Variants in PRKCI observed in about 807,000 individuals in gnomAD.
PRKCI encodes the protein protein kinase C iota type.
Under a neutral mutation model 84.0 loss-of-function variants are expected in PRKCI, and 43 were observed. The observed-to-expected ratio is 0.51, with a 90% CI of 0.40 to 0.66. The LOEUF is 0.66. Among genes scored for constraint, PRKCI ranks in the 30% least tolerant of loss-of-function variants. PRKCI has a pLI of 0.00. For missense variants in PRKCI, 459 were observed against 745.6 expected, an observed-to-expected ratio of 0.62 and a Z score of 4.48; for synonymous variants, 216 against 234.4, an observed-to-expected ratio of 0.92 and a Z score of 0.72.
intron 1 of PRKCI, among the ~76,000 whole-genome samples, chr3:170,225,497 GTTTTC>G (rs1456508050): frequency 1.3e-5 from 2 of 151,568 alleles, no homozygotes; most frequent in Admixed American, 1.3e-4. Flanking sequence ...ATTTGAAAAA[GTTTTC>G]TTTTCTCTCC....
intron 4 of PRKCI, among the ~76,000 whole-genome samples, chr3:170,263,708 G>A (rs1733789514): frequency 6.6e-6 from 1 of 151,952 alleles, no homozygotes; most frequent in Admixed American, 6.6e-5. Context: ...GAGGTGGGAG[G>A]ATCCCTTGAG....
intron 16 of PRKCI, 75 bp from the exon 17 acceptor site, chr3:170,298,920 G>A (rs1560187780): frequency 8.8e-6 from 8 of 905,986 alleles, no homozygotes; most frequent in South Asian, 1.3e-5. Context: ...TAAACAATGA[G>A]TGCAGAGGAG....
chr3:170,268,019 A>C lies in PRKCI; in HGVS notation c.450+19A>C, dbSNP rs755975343. On this transcript the variant is annotated intron_variant, in intron 5 of 17. Transcript: ENST00000295797. ...CAACAGGGTAAACATAGTTTGTTGAATGTCGATAATGTGAAACAGCTATTT... is the reference window on the plus strand; with the variant it reads ...CAACAGGGTAAACATAGTTTGTTGACTGTCGATAATGTGAAACAGCTATTT... The C allele has an allele frequency of 2.7e-5, 43 of 1,573,154 alleles. No homozygotes were observed. The highest frequency in any genetic ancestry group is 3.7e-5 in the Non-Finnish European group (42 of 1,149,828).
rs927497688 is a variant in PRKCI at position 170,251,974 on chromosome 3, G to C, written c.224-7995G>C. ...CTCACGCCTGTAATCCCAGCACTTT[G>C]GGAGGCCGAGGTGGGTGGATCCTGA... On this transcript the variant is annotated intron_variant, in intron 2 of 17. Transcript: ENST00000295797. 2.0e-5 allele frequency among the ~76,000 whole-genome samples: 3 copies of C among 152,002 alleles called. No homozygotes were observed. The East Asian group carries it at 5.8e-4, about 29-fold the overall frequency.
chr3:170,231,685 G>A (rs929826272), intron 1 of PRKCI, among the ~76,000 whole-genome samples: 7 of 151,944 alleles, frequency 4.6e-5, no homozygotes, highest in African/African-American at 1.7e-4. Context: ...GACTGGTCTC[G>A]AACGCCTGAC....
At chr3:170,272,427 G>C (rs1292309890) in intron 6 of PRKCI, among the ~76,000 whole-genome samples, 1 of 152,092 alleles carries the variant, frequency 6.6e-6, no homozygotes, top group Non-Finnish European at 1.5e-5. Context: ...TCTTTAATTA[G>C]TTCATATAAG....
chr3:170,274,998 ATGCT>A (rs1437798098), intron 7 of PRKCI, among the ~76,000 whole-genome samples: 1 of 152,192 alleles, frequency 6.6e-6, no homozygotes, highest in Non-Finnish European at 1.5e-5. Context: ...CCAGGTTGTG[ATGCT>A]TGCTCTCTTT....
At chr3:170,224,631 C>T (rs528903981) in intron 1 of PRKCI, among the ~76,000 whole-genome samples, 61 of 152,334 alleles carry the variant, frequency 4.0e-4, no homozygotes, top group African/African-American at 1.4e-3. Flanking sequence ...TCAAGCAATT[C>T]GCCTGCCTCA....
chr3:170,263,528 A>C, intron 4 of PRKCI, 99 bp downstream of exon 4: 3 of 1,010,998 alleles, frequency 3.0e-6, no homozygotes, highest in Non-Finnish European at 4.5e-6. Flanking sequence ...GGTGCAGTGG[A>C]CAGTGGCTAA....
At chr3:170,227,951 G>A (rs946839911) in intron 1 of PRKCI, among the ~76,000 whole-genome samples, 3 of 152,122 alleles carry the variant, frequency 2.0e-5, no homozygotes, top group Non-Finnish European at 2.9e-5. Context: ...TTAAGGGGTA[G>A]TATCAGTAGA....
intron 2 of PRKCI, among the ~76,000 whole-genome samples, chr3:170,246,688 T>C (rs1733297122): frequency 6.6e-6 from 1 of 152,196 alleles, no homozygotes; most frequent in Non-Finnish European, 1.5e-5. Context: ...AATTTACCAG[T>C]TCGACCACTC....
intron 2 of PRKCI, among the ~76,000 whole-genome samples, chr3:170,252,794 T>G (rs570439451): frequency 6.6e-6 from 1 of 152,114 alleles, no homozygotes; most frequent in Non-Finnish European, 1.5e-5. Flanking sequence ...GGTCTCACTG[T>G]GTTGCCCGGG....
At chr3:170,239,665 A>C (rs1008276754) in intron 2 of PRKCI, among the ~76,000 whole-genome samples, 2 of 151,584 alleles carry the variant, frequency 1.3e-5, no homozygotes, top group Admixed American at 1.3e-4. Flanking sequence ...CTCAAATGTC[A>C]TGTCCTCCAA....
intron 8 of PRKCI, among the ~76,000 whole-genome samples, chr3:170,279,007 C>A (rs553502661): frequency 6.6e-6 from 1 of 152,282 alleles, no homozygotes; most frequent in East Asian, 1.9e-4. Context: ...CAAACTATCA[C>A]CTTGTTACCA....
intron 2 of PRKCI, among the ~76,000 whole-genome samples, chr3:170,240,067 T>C (rs1733088297): frequency 6.6e-6 from 1 of 151,990 alleles, no homozygotes; most frequent in South Asian, 2.1e-4. Flanking sequence ...AAAGCTAAGG[T>C]GGAAGGATTG....
At chr3:170,227,530 A>T (rs1387792127) in intron 1 of PRKCI, among the ~76,000 whole-genome samples, 1 of 152,224 alleles carries the variant, frequency 6.6e-6, no homozygotes, top group Non-Finnish European at 1.5e-5. Context: ...TTAAAGGATA[A>T]CTAGGAGTTT....
intron 4 of PRKCI, 65 bp from the exon 5 acceptor site, chr3:170,267,850 A>T: frequency 8.1e-7 from 1 of 1,238,398 alleles, no homozygotes; most frequent in Non-Finnish European, 1.1e-6. Context: ...TACAGACTTA[A>T]TTATAAAATG....
At position 170,304,726 on chromosome 3, in the gene PRKCI, A is replaced by G. The variant is rs1043698864; in HGVS notation, c.*1599A>G. The stretch of plus-strand genomic sequence containing the variant: ...CTTATTATTTAAAGGGGTGCCAAAT[A>G]TAGCATCCTTCTGTTGTTTATTTTA... On this transcript the variant is annotated 3_prime_UTR_variant, in exon 18 of 18. Transcript: ENST00000295797. The G allele has an allele frequency of 1.3e-5, 2 of 152,172 alleles. No individual in the cohort carries two copies. The highest frequency in any genetic ancestry group is 2.9e-5 in the Non-Finnish European group (2 of 68,008). 9.4% of individuals were successfully genotyped at this position (152,172 alleles called of 1,614,324 possible).
At chr3:170,223,526 A>C (rs1732551311) in intron 1 of PRKCI, among the ~76,000 whole-genome samples, 1 of 152,244 alleles carries the variant, frequency 6.6e-6, no homozygotes, top group African/African-American at 2.4e-5. Flanking sequence ...CTATGGTTAC[A>C]AGAAAAAACC....
Sources: gnomAD v4.1 joint callset for allele counts (sites outside exome capture counted in the v4.1 genomes callset) on GRCh38, gnomAD v4.1.1 for gene constraint, MANE v1.5 for transcripts, NCBI Gene and HGNC (gene_info 2026-07-23, HGNC 2026-07-21) for gene names.